The following SPAG16 variants were observed in gnomAD, a reference collection of about 807,000 sequenced individuals.
The protein encoded by SPAG16 is sperm associated antigen 16, also known as sperm-associated antigen 16 protein.
Under a neutral mutation model 80.4 loss-of-function variants are expected in SPAG16, and 86 were observed. That is an observed-to-expected ratio of 1.07 (90% CI 0.90 to 1.28). SPAG16 has a LOEUF of 1.28. Ranked by LOEUF, SPAG16 falls within the 50% of genes most tolerant of loss-of-function variation. The pLI is 0.00. For missense variants in SPAG16, 870 were observed against 765.3 expected (o/e 1.14, Z -1.61); for synonymous variants, 294 against 265.9 (o/e 1.11, Z -1.03).
Position 213,713,137 on chromosome 2 carries a change from C to T in SPAG16, c.1071-149348C>T, listed in dbSNP as rs1037330211. ...CCATGAGAACAGCATGGGGGAACCG[C>T]CCCCATGATCTAATCACCTCCTCTG... On this transcript the variant is annotated intron_variant, in intron 10 of 15. Coordinates refer to ENST00000331683, the MANE Select transcript of SPAG16 (RefSeq NM_024532.5). Among the ~76,000 whole-genome samples, 4 of 152,128 alleles carry T rather than the reference C, an allele frequency of 2.6e-5. No homozygotes were observed. In the South Asian group the frequency reaches 6.2e-4, roughly 24 times the overall value.
chr2:213,313,578 A>G (rs1175891996), intron 4 of SPAG16, among the ~76,000 whole-genome samples: 1 of 151,806 alleles, frequency 6.6e-6, no homozygotes, highest in Non-Finnish European at 1.5e-5. Flanking sequence ...GATCTTAAAG[A>G]CCAGTCTCCT....
At chr2:213,763,584 A>G (rs921304665) in intron 10 of SPAG16, among the ~76,000 whole-genome samples, 1 of 152,062 alleles carries the variant, frequency 6.6e-6, no homozygotes, top group Non-Finnish European at 1.5e-5. Flanking sequence ...AGTTCTAGGT[A>G]TTTGCTTTAC....
At position 213,949,179 on chromosome 2, in the gene SPAG16, T is replaced by TTTTTTTTTTTGTTTTTTTTTTTTTG. The variant is rs1553677669; in HGVS notation, c.1400+19044_1400+19045insGTTTTTTTTTTTTTGTTTTTTTTTT. Reference sequence around the variant, plus strand: ...TACTTAATTACAACAGTTTTTTTTTTTTTTTTTTTTTTTTGAGGTAGAGTC... The same window carrying TTTTTTTTTTTGTTTTTTTTTTTTTG: ...TACTTAATTACAACAGTTTTTTTTTTTTTTTTTTTTGTTTTTTTTTTTTTGTTTTTTTTTTTTTTGAGGTAGAGTC... On this transcript the variant is annotated intron_variant, in intron 12 of 15. Coordinates refer to ENST00000331683, the MANE Select transcript of SPAG16 (RefSeq NM_024532.5). Among the ~76,000 whole-genome samples, 9 of 36,258 alleles carry TTTTTTTTTTTGTTTTTTTTTTTTTG rather than the reference T, an allele frequency of 2.5e-4. No homozygotes were observed. In the South Asian group the frequency reaches 8.0e-3, roughly 32 times the overall value. The allele number at this position is 36,258 out of a possible 152,430, so 23.8% of individuals were successfully genotyped here. A position where few individuals can be genotyped will look rare whatever the true frequency, so the allele number is the denominator to read the frequency against.
chr2:213,529,979 T>G (rs1315084771), intron 10 of SPAG16, among the ~76,000 whole-genome samples: 1 of 152,164 alleles, frequency 6.6e-6, no homozygotes, highest in Non-Finnish European at 1.5e-5. Context: ...TCAATATCAC[T>G]TTCTTCCACT....
At chr2:214,071,685 A>G (rs905804316) in intron 13 of SPAG16, among the ~76,000 whole-genome samples, 1 of 152,066 alleles carries the variant, frequency 6.6e-6, no homozygotes, top group Non-Finnish European at 1.5e-5. Flanking sequence ...ATCCTCCTTC[A>G]ATTTGGTGTT....
intron 15 of SPAG16, among the ~76,000 whole-genome samples, chr2:214,374,389 A>G (rs1357886407): frequency 1.4e-4 from 21 of 152,222 alleles, no homozygotes; most frequent in Admixed American, 1.4e-3. Flanking sequence ...GATACACTGC[A>G]CAGGACAGGG....
chr2:213,938,859 A>T (rs565620379), intron 12 of SPAG16, among the ~76,000 whole-genome samples: 35 of 142,978 alleles, frequency 2.4e-4, no homozygotes, highest in African/African-American at 8.5e-4. Flanking sequence ...GATAATAAAG[A>T]TGAGGTTTTT....
intron 10 of SPAG16, among the ~76,000 whole-genome samples, chr2:213,593,586 T>G (rs373427995): frequency 1.4e-4 from 21 of 152,012 alleles, no homozygotes; most frequent in African/African-American, 5.1e-4. Context: ...CTGTCAATGT[T>G]GTAAGTCATC....
At chr2:213,590,088 G>T (rs2060631769) in intron 10 of SPAG16, among the ~76,000 whole-genome samples, 1 of 151,954 alleles carries the variant, frequency 6.6e-6, no homozygotes, top group African/African-American at 2.4e-5. Flanking sequence ...CAACTTGGCA[G>T]TCAAAAAATA....
chr2:213,701,655 G>T (rs2065428157), intron 10 of SPAG16, among the ~76,000 whole-genome samples: 1 of 152,228 alleles, frequency 6.6e-6, no homozygotes, highest in Admixed American at 6.5e-5. Context: ...CGCAGCCCTG[G>T]CGCAGGATCC....
intron 15 of SPAG16, among the ~76,000 whole-genome samples, chr2:214,377,158 A>G (rs1027044130): frequency 6.6e-6 from 1 of 152,160 alleles, no homozygotes; most frequent in Non-Finnish European, 1.5e-5. Flanking sequence ...GACACTAACC[A>G]TCTCCCCGTG....
intron 12 of SPAG16, among the ~76,000 whole-genome samples, chr2:213,932,175 TATATATATATATATATA>T (rs1559602457): frequency 7.6e-5 from 2 of 26,162 alleles, no homozygotes; most frequent in African/African-American, 1.3e-4. Flanking sequence ...TATATATATA[TATATATATATATATATA>T]TATATATTTG....
intron 10 of SPAG16, among the ~76,000 whole-genome samples, chr2:213,749,101 C>G (rs13412855): frequency 0.054 from 8,188 of 152,086 alleles, 282 homozygotes; most frequent in African/African-American, 0.089. Context: ...GAGCCGAGAT[C>G]GCGCCACTGT....
chr2:214,109,271 G>A (rs2053551589), intron 14 of SPAG16, among the ~76,000 whole-genome samples: 1 of 152,262 alleles, frequency 6.6e-6, no homozygotes, highest in South Asian at 2.1e-4. Flanking sequence ...CGTGAATTAA[G>A]GATGTCTTTA....
At chr2:214,267,422 T>C (rs1163882402) in intron 15 of SPAG16, among the ~76,000 whole-genome samples, 2 of 151,676 alleles carry the variant, frequency 1.3e-5, no homozygotes, top group Non-Finnish European at 3.0e-5. Flanking sequence ...AAAAATGATA[T>C]TAGGAATACT....
chr2:214,390,252 C>G (rs191680025), intron 15 of SPAG16, among the ~76,000 whole-genome samples: 1 of 150,996 alleles, frequency 6.6e-6, no homozygotes, highest in Non-Finnish European at 1.5e-5. Context: ...TTTACTCTAA[C>G]TCTGTATGCA....
chr2:213,474,286 T>A (rs1295100662), intron 9 of SPAG16, among the ~76,000 whole-genome samples: 1 of 152,190 alleles, frequency 6.6e-6, no homozygotes, highest in Non-Finnish European at 1.5e-5. Context: ...ACTCACATGA[T>A]AAGAGCTTCT....
At chr2:213,867,747 C>A (rs982955332) in intron 11 of SPAG16, among the ~76,000 whole-genome samples, 1 of 140,528 alleles carries the variant, frequency 7.1e-6, no homozygotes, top group Non-Finnish European at 1.6e-5. Context: ...ACGGTGAATC[C>A]CCGTCTCCAC....
chr2:214,164,564 A>G (rs1203544160), intron 15 of SPAG16, among the ~76,000 whole-genome samples: 2 of 152,140 alleles, frequency 1.3e-5, no homozygotes, highest in African/African-American at 4.8e-5. Context: ...CAGATTATGG[A>G]TGGTCTTGAC....
Sources: gnomAD v4.1 joint callset for allele counts (sites outside exome capture counted in the v4.1 genomes callset) on GRCh38, gnomAD v4.1.1 for gene constraint, MANE v1.5 for transcripts, NCBI Gene and HGNC (gene_info 2026-07-23, HGNC 2026-07-21) for gene names.